The following MBNL1 variants were observed in gnomAD, a reference collection of about 807,000 sequenced individuals.
The protein encoded by MBNL1 is muscleblind like splicing regulator 1.
MBNL1 carries 8 observed loss-of-function variants against 42.2 expected under a neutral mutation model. The ratio of observed to expected loss-of-function variants is 0.19; its 90% CI spans 0.11 to 0.34. MBNL1 has a LOEUF of 0.34. Ranked by LOEUF, MBNL1 falls within the 10% of genes least tolerant of loss-of-function variation. The pLI is 1.00. For missense variants in MBNL1, 309 were observed against 495.3 expected (o/e 0.62, Z 3.57); for synonymous variants, 169 against 173.9 (o/e 0.97, Z 0.22).
intron 2 of MBNL1, chr3:152,396,147 C>T: frequency 2.9e-6 from 1 of 346,710 alleles, no homozygotes; most frequent in South Asian, 2.2e-5. Context: ...TGATCAGTCA[C>T]TGTCTCCTGT....
intron 2 of MBNL1, among the ~76,000 whole-genome samples, chr3:152,342,945 C>T (rs1337712269): frequency 6.6e-6 from 1 of 152,156 alleles, no homozygotes; most frequent in Non-Finnish European, 1.5e-5. Flanking sequence ...AATATATTCA[C>T]AAAATTGGGA....
chr3:152,444,904 A>T (rs1335522304), intron 4 of MBNL1, among the ~76,000 whole-genome samples: 1 of 152,182 alleles, frequency 6.6e-6, no homozygotes, highest in Non-Finnish European at 1.5e-5. Flanking sequence ...ATATCAATAG[A>T]TACACAACAT....
chr3:152,356,145 GA>G (rs574494775), intron 2 of MBNL1, among the ~76,000 whole-genome samples: 45 of 150,832 alleles, frequency 3.0e-4, no homozygotes, highest in African/African-American at 8.8e-4. Context: ...TGTATGCTAA[GA>G]AAAAAAATCT....
intron 3 of MBNL1, among the ~76,000 whole-genome samples, chr3:152,423,679 C>T (rs537733090): frequency 3.5e-4 from 53 of 152,266 alleles, no homozygotes; most frequent in African/African-American, 1.3e-3. Context: ...GTGCGAAAAT[C>T]CTTAATAAAA....
At chr3:152,411,189 A>C (rs1037564320) in intron 2 of MBNL1, among the ~76,000 whole-genome samples, 3 of 152,226 alleles carry the variant, frequency 2.0e-5, no homozygotes, top group Non-Finnish European at 4.4e-5. Context: ...TGATAAAATT[A>C]TACAGTTATC....
chr3:152,428,060 G>A (rs1294296455), intron 3 of MBNL1, among the ~76,000 whole-genome samples: 2 of 151,620 alleles, frequency 1.3e-5, no homozygotes, highest in African/African-American at 4.8e-5. Flanking sequence ...ATAAAAAATT[G>A]CAAAACAAAA....
At chr3:152,331,558 G>A (rs1258685880) in intron 2 of MBNL1, among the ~76,000 whole-genome samples, 3 of 152,066 alleles carry the variant, frequency 2.0e-5, no homozygotes, top group Middle Eastern at 3.4e-3. Context: ...ATGGCCTAGA[G>A]TTTATGCTTA....
At position 152,465,379 on chromosome 3, in the gene MBNL1, GT is replaced by G. The variant is rs1010350434; in HGVS notation, c.*3019del. The G allele has an allele frequency of 1.3e-5, 2 of 152,548 alleles. No individual in the cohort carries two copies. The highest frequency in any genetic ancestry group is 2.4e-5 in the African/African-American group (1 of 41,436). 9.4% of individuals were successfully genotyped at this position (152,548 alleles called of 1,614,324 possible). A position where few individuals can be genotyped will look rare whatever the true frequency, so the allele number is the denominator to read the frequency against. ...CTGTAGCTATAGTTGTTATGTGATT[GT>G]TTTTTAATTGCTGTAGGATCCTGTT... On this transcript the variant is annotated 3_prime_UTR_variant, in exon 10 of 10. Transcript: ENST00000324210.
chr3:152,346,043 G>A (rs16864195), intron 2 of MBNL1, among the ~76,000 whole-genome samples: 2,388 of 152,092 alleles, frequency 0.016, 56 homozygotes, highest in African/African-American at 0.055. Context: ...AGGACTGATG[G>A]GAATTGACAG....
At chr3:152,374,403 T>C (rs2096809540) in intron 2 of MBNL1, among the ~76,000 whole-genome samples, 1 of 152,218 alleles carries the variant, frequency 6.6e-6, no homozygotes, top group Admixed American at 6.5e-5. Flanking sequence ...ATTACTACTT[T>C]CTGTAATCAG....
At chr3:152,442,225 A>G (rs2099154499) in intron 4 of MBNL1, among the ~76,000 whole-genome samples, 1 of 152,238 alleles carries the variant, frequency 6.6e-6, no homozygotes, top group African/African-American at 2.4e-5. Flanking sequence ...ATATGGAAAT[A>G]CTGGAAATTA....
At position 152,319,614 on chromosome 3, in the gene MBNL1, G is replaced by GTTTTTTTTTT. The variant is rs202070328; in HGVS notation, c.174+19263_174+19272dup. On this transcript the variant is annotated intron_variant, in intron 2 of 9. Coordinates refer to ENST00000324210, the MANE Select transcript of MBNL1 (RefSeq NM_021038.5). ...TACGGTGGCATTAAAGTTCTATACT[G>GTTTTTTTTTT]TTTTTTTTTTTTTTTTTTTTTTTTT... Among the ~76,000 whole-genome samples the GTTTTTTTTTT allele has an allele frequency of 5.1e-4, 41 of 80,510 alleles. 4 individuals carry two copies. The highest frequency in any genetic ancestry group is 6.9e-4 in the Non-Finnish European group (30 of 43,302). The allele number at this position is 80,510 out of a possible 152,430, so 52.8% of individuals were successfully genotyped here.
At chr3:152,402,989 C>T (rs1254810444) in intron 2 of MBNL1, among the ~76,000 whole-genome samples, 2 of 152,152 alleles carry the variant, frequency 1.3e-5, no homozygotes, top group Non-Finnish European at 2.9e-5. Context: ...AAGGAAGATA[C>T]AACAACTATT....
intron 1 of MBNL1, chr3:152,298,988 A>G (rs1262531739): frequency 6.6e-6 from 1 of 152,522 alleles, no homozygotes; most frequent in Non-Finnish European, 1.5e-5. Flanking sequence ...CACTAACTGC[A>G]TGTTGGGTAA....
intron 3 of MBNL1, among the ~76,000 whole-genome samples, chr3:152,424,042 CA>C (rs139461406): frequency 0.13 from 19,658 of 152,162 alleles, 1,537 homozygotes; most frequent in African/African-American, 0.22. Context: ...CCTCCCTCAC[CA>C]CTCCTATTCA....
chr3:152,333,330 TATC>T (rs1196856524), intron 2 of MBNL1, among the ~76,000 whole-genome samples: 1 of 152,196 alleles, frequency 6.6e-6, no homozygotes, highest in Non-Finnish European at 1.5e-5. Flanking sequence ...AGCTGGTAAA[TATC>T]ATTAAGAGAA....
At chr3:152,318,406 G>T (rs1560121316) in intron 2 of MBNL1, among the ~76,000 whole-genome samples, 1 of 152,040 alleles carries the variant, frequency 6.6e-6, no homozygotes, top group Non-Finnish European at 1.5e-5. Context: ...TTAATTCATG[G>T]TAGAATTTTG....
At chr3:152,397,543 T>G (rs1180187824) in intron 2 of MBNL1, among the ~76,000 whole-genome samples, 1 of 152,220 alleles carries the variant, frequency 6.6e-6, no homozygotes, top group Non-Finnish European at 1.5e-5. Flanking sequence ...GAACTCATCC[T>G]TTTTTATGGC....
chr3:152,341,642 T>C lies in MBNL1; in HGVS notation c.174+41275T>C, dbSNP rs376602974. Among the ~76,000 whole-genome samples, 7 of 152,178 alleles carry C rather than the reference T, an allele frequency of 4.6e-5. No individual in the cohort carries two copies. In the South Asian group the frequency reaches 1.2e-3, roughly 27 times the overall value. Reference sequence around the variant, plus strand: ...GGGAGCTGTCCATACCGGTAGGCAATGAGGAGAATGTTTATAATTGAGATT... The same window carrying C: ...GGGAGCTGTCCATACCGGTAGGCAACGAGGAGAATGTTTATAATTGAGATT... On this transcript the variant is annotated intron_variant, in intron 2 of 9. Coordinates refer to ENST00000324210, the MANE Select transcript of MBNL1 (RefSeq NM_021038.5).
Sources: allele counts gnomAD v4.1 joint callset (sites outside exome capture counted in the v4.1 genomes callset), GRCh38; gene constraint gnomAD v4.1.1; transcripts MANE v1.5; gene names NCBI Gene and HGNC (gene_info 2026-07-23, HGNC 2026-07-21).